Variants in KBTBD12 observed in about 807,000 individuals in gnomAD.
The protein encoded by KBTBD12 is kelch repeat and BTB domain containing 12.
A neutral mutation model predicts 58.7 loss-of-function variants in KBTBD12; 53 were observed. The ratio of observed to expected loss-of-function variants is 0.90; its 90% CI spans 0.72 to 1.14. The LOEUF is 1.14. Ranked by LOEUF, KBTBD12 falls within the 50% of genes most tolerant of loss-of-function variation. KBTBD12 has a pLI of 0.00. For synonymous variants in KBTBD12, 236 were observed against 259.8 expected (o/e 0.91, Z 0.88); for missense variants, 704 against 751.3 (o/e 0.94, Z 0.74).
At chr3:127,928,130 G>A (rs1939620887) in intron 3 of KBTBD12, 96 bp downstream of exon 3, 1 of 1,092,322 alleles carries the variant, frequency 9.2e-7, no homozygotes, top group Non-Finnish European at 1.3e-6. Context: ...AAAAGAGTGT[G>A]ACTTACATTT....
chr3:127,917,156 C>G (rs188314721), intron 1 of KBTBD12, among the ~76,000 whole-genome samples: 2 of 152,292 alleles, frequency 1.3e-5, no homozygotes, highest in Non-Finnish European at 2.9e-5. Flanking sequence ...AGCGTCAGAT[C>G]CCACAGGCTG....
chr3:127,982,342 G>A (rs1443546848), intron 5 of KBTBD12, among the ~76,000 whole-genome samples: 3 of 152,144 alleles, frequency 2.0e-5, no homozygotes, highest in Admixed American at 6.5e-5. Context: ...TCTTTGCTGT[G>A]CACACGAGCC....
At chr3:127,951,117 C>T (rs771408480) in intron 4 of KBTBD12, among the ~76,000 whole-genome samples, 2 of 152,174 alleles carry the variant, frequency 1.3e-5, no homozygotes, top group Non-Finnish European at 2.9e-5. Context: ...GGTTGAGTTA[C>T]TTTAACGTTT....
chr3:127,953,893 A>C (rs1357419719), intron 4 of KBTBD12, among the ~76,000 whole-genome samples: 11 of 152,236 alleles, frequency 7.2e-5, no homozygotes, highest in Non-Finnish European at 1.0e-4. Context: ...AACTTCCTAG[A>C]AAGCCTAAAA....
intron 5 of KBTBD12, among the ~76,000 whole-genome samples, chr3:127,967,724 A>G (rs563503580): frequency 6.6e-6 from 1 of 152,356 alleles, no homozygotes; most frequent in African/African-American, 2.4e-5. Context: ...GCAAATGTGT[A>G]ACTAATAAAA....
rs1175489379 is a variant in KBTBD12, at chr3:127,984,121, A to G, written c.1715A>G (p.Glu572Gly). Residue 572 changes from glutamate to glycine, a missense_variant, in exon 6 of 6, where the codon GAA becomes GGA. Transcript: ENST00000405109. ...GADRHEVISKEILELDPWENQ... is the reference protein window; with the variant it reads ...GADRHEVISKGILELDPWENQ... ...GATCGCCATGAGGTTATCTCCAAAG[A>G]AATATTGGAACTGGACCCATGGGAA... The G allele has an allele frequency of 1.2e-6, 2 of 1,613,398 alleles. No individual in the cohort carries two copies. Among genetic ancestry groups the G allele is most frequent in the Non-Finnish European group, 1.7e-6 (2 of 1,179,736 alleles).
At chr3:127,967,712 A>T (rs990817413) in intron 5 of KBTBD12, among the ~76,000 whole-genome samples, 2 of 152,272 alleles carry the variant, frequency 1.3e-5, no homozygotes, top group Admixed American at 1.3e-4. Flanking sequence ...TATTTAAATC[A>T]AGCAAATGTG....
intron 4 of KBTBD12, among the ~76,000 whole-genome samples, chr3:127,939,044 G>T (rs1433165820): frequency 1.3e-5 from 2 of 152,174 alleles, no homozygotes; most frequent in Non-Finnish European, 2.9e-5. Flanking sequence ...AAGAAAATCT[G>T]TCTGGCTCCG....
At chr3:127,934,848 C>G (rs1939792107) in intron 4 of KBTBD12, among the ~76,000 whole-genome samples, 1 of 152,052 alleles carries the variant, frequency 6.6e-6, no homozygotes, top group Admixed American at 6.6e-5. Flanking sequence ...AAATAGACAT[C>G]CCAGATGACT....
rs1392264988 is a variant in KBTBD12 at position 127,985,030 on chromosome 3, C to G, written c.*752C>G. On this transcript the variant is annotated 3_prime_UTR_variant, in exon 6 of 6. Coordinates refer to ENST00000405109, the MANE Select transcript of KBTBD12 (RefSeq NM_207335.4). Reference sequence around the variant, plus strand: ...AGACCACAGTGGCCAAGAATCCTGCCCTGGGCTGACTCTGTCCGGGACAGG... The same window carrying G: ...AGACCACAGTGGCCAAGAATCCTGCGCTGGGCTGACTCTGTCCGGGACAGG... 2 of 152,376 alleles carry G rather than the reference C, an allele frequency of 1.3e-5. No individual in the cohort carries two copies. Among genetic ancestry groups the G allele is most frequent in the Non-Finnish European group, 2.9e-5 (2 of 68,170 alleles). 9.4% of individuals were successfully genotyped at this position (152,376 alleles called of 1,614,324 possible).
At chr3:127,945,540 T>C (rs977835426) in intron 4 of KBTBD12, among the ~76,000 whole-genome samples, 3 of 151,960 alleles carry the variant, frequency 2.0e-5, no homozygotes, top group Non-Finnish European at 4.4e-5. Flanking sequence ...ATTTCCATAA[T>C]GGCTAGTGAT....
intron 4 of KBTBD12, among the ~76,000 whole-genome samples, chr3:127,955,870 T>G (rs535092967): frequency 1.3e-5 from 2 of 152,358 alleles, no homozygotes; most frequent in Admixed American, 1.3e-4. Context: ...TGTACTTGAA[T>G]ATTCTAGGAA....
At chr3:127,974,948 G>A (rs1286941756) in intron 5 of KBTBD12, among the ~76,000 whole-genome samples, 1 of 152,196 alleles carries the variant, frequency 6.6e-6, no homozygotes, top group Non-Finnish European at 1.5e-5. Flanking sequence ...ACTCCAGCCT[G>A]GGTGACAGAG....
rs1417054142 is a variant in KBTBD12, at chr3:127,984,443, C to T, written c.*165C>T. The T allele has an allele frequency of 1.6e-6, 1 of 625,422 alleles. No individual in the cohort carries two copies. The highest frequency in any genetic ancestry group is 2.7e-6 in the Non-Finnish European group (1 of 367,796). 38.7% of individuals were successfully genotyped at this position (625,422 alleles called of 1,614,324 possible). On this transcript the variant is annotated 3_prime_UTR_variant, in exon 6 of 6. Transcript: ENST00000405109. ...ACTGGGTGGGGAGCATGGGGAGTCT[C>T]CCTTCAGGGACTTCCCAGCCTGATA...
intron 3 of KBTBD12, 79 bp from the exon 4 acceptor site, chr3:127,930,054 G>A: frequency 7.6e-7 from 1 of 1,312,014 alleles, no homozygotes. Context: ...TTGGCTGTCT[G>A]CTTTGATTAA....
At chr3:127,927,700 T>C in intron 2 of KBTBD12, 64 bp from the exon 3 acceptor site, 1 of 1,193,010 alleles carries the variant, frequency 8.4e-7, no homozygotes, top group Middle Eastern at 2.4e-4. Flanking sequence ...TAAATAAGTG[T>C]ATTTCTTGGG....
Position 127,927,913 on chromosome 3 carries a change from A to G in KBTBD12, c.1220A>G (p.Asp407Gly), listed in dbSNP as rs969314619. Residue 407 changes from aspartate to glycine, a missense_variant, in exon 3 of 6, where the codon GAT (aspartate) becomes GGT (glycine). Transcript: ENST00000405109. ...CAGTATCTTATTACAAACTGTGTTGATAAGTACTCTGTAGAACGGGACAAT... is the reference window on the plus strand; with the variant it reads ...CAGTATCTTATTACAAACTGTGTTGGTAAGTACTCTGTAGAACGGGACAAT... ...KNQYLITNCV[D>G]KYSVERDNWK... 4 of 1,613,520 alleles carry G rather than the reference A, an allele frequency of 2.5e-6. No individual in the cohort carries two copies. In the African/African-American group the frequency reaches 4.0e-5, roughly 16 times the overall value.
intron 4 of KBTBD12, among the ~76,000 whole-genome samples, chr3:127,939,388 C>G (rs751484584): frequency 6.6e-6 from 1 of 151,906 alleles, no homozygotes; most frequent in Non-Finnish European, 1.5e-5. Context: ...AAAAAGGGAA[C>G]ATTTGGGAAC....
At chr3:127,943,632 C>G (rs941642231) in intron 4 of KBTBD12, among the ~76,000 whole-genome samples, 2 of 151,784 alleles carry the variant, frequency 1.3e-5, no homozygotes, top group Non-Finnish European at 2.9e-5. Context: ...TATTTTCTTT[C>G]AATATGCAGG....
Sources: gnomAD v4.1 joint callset for allele counts (sites outside exome capture counted in the v4.1 genomes callset) on GRCh38, gnomAD v4.1.1 for gene constraint, MANE v1.5 for transcripts, NCBI Gene and HGNC (gene_info 2026-07-23, HGNC 2026-07-21) for gene names.